ADAMTSL1: variants seen among roughly 807,000 people sequenced by gnomAD.
The protein encoded by ADAMTSL1 is ADAMTS-like protein 1.
A neutral mutation model predicts 201.8 loss-of-function variants in ADAMTSL1; 126 were observed. The observed-to-expected ratio is 0.62, with a 90% confidence interval of 0.54 to 0.72. The LOEUF (loss-of-function observed/expected upper bound fraction) is 0.72. ADAMTSL1 is among the 30% of genes least tolerant of loss of function. ADAMTSL1 has a pLI of 0.00. For missense variants in ADAMTSL1, 2,679 were observed against 2,277.8 expected (o/e 1.18, Z -3.59); for synonymous variants, 1,121 against 903.4 (o/e 1.24, Z -4.32).
At chr9:18,245,436 A>G (rs979164059) in intron 2 of ADAMTSL1, among the ~76,000 whole-genome samples, 15 of 152,050 alleles carry the variant, frequency 9.9e-5, no homozygotes, top group African/African-American at 3.4e-4. Flanking sequence ...CTCCATAGCT[A>G]CTCGGGGTTT....
chr9:18,007,846 T>C, intron 1 of ADAMTSL1, among the ~76,000 whole-genome samples: 1 of 152,038 alleles, frequency 6.6e-6, no homozygotes, highest in African/African-American at 2.4e-5. Context: ...ACTTCTTTCA[T>C]TAAATTCAGT....
intron 23 of ADAMTSL1, among the ~76,000 whole-genome samples, chr9:18,857,288 A>G (rs1826919763): frequency 6.6e-6 from 1 of 152,204 alleles, no homozygotes; most frequent in African/African-American, 2.4e-5. Context: ...AGTTATCCCA[A>G]TAATGTCTTT....
intron 1 of ADAMTSL1, among the ~76,000 whole-genome samples, chr9:18,146,359 A>T (rs1017526337): frequency 1.3e-5 from 2 of 152,198 alleles, no homozygotes; most frequent in African/African-American, 4.8e-5. Flanking sequence ...ATATCCTTCA[A>T]TAGGTGAATG....
chr9:17,950,777 G>A (rs1290533793), intron 1 of ADAMTSL1, among the ~76,000 whole-genome samples: 6 of 152,032 alleles, frequency 3.9e-5, no homozygotes, highest in Non-Finnish European at 7.4e-5. Context: ...TGGGTAACTG[G>A]GGAGAATTTA....
chr9:18,049,408 C>T (rs925342424), intron 1 of ADAMTSL1, among the ~76,000 whole-genome samples: 1 of 152,116 alleles, frequency 6.6e-6, no homozygotes, highest in Admixed American at 6.5e-5. Context: ...GGAAAGGTTT[C>T]CTGGCTTTTA....
chr9:18,409,383 C>CAAAAAAAAAAAAAAAA (rs781106126), intron 2 of ADAMTSL1, among the ~76,000 whole-genome samples: 5 of 77,222 alleles, frequency 6.5e-5, no homozygotes, highest in Admixed American at 1.5e-4. Flanking sequence ...AACTCCGTCT[C>CAAAAAAAAAAAAAAAA]AAAAAAAAAA....
chr9:18,649,759 AGAG>A (rs1314945203), intron 7 of ADAMTSL1, among the ~76,000 whole-genome samples: 1 of 151,990 alleles, frequency 6.6e-6, no homozygotes, highest in Non-Finnish European at 1.5e-5. Flanking sequence ...GTTTTGTCTC[AGAG>A]GAGTACCCCG....
chr9:18,219,825 G>A (rs945508104), intron 2 of ADAMTSL1, among the ~76,000 whole-genome samples: 1 of 151,944 alleles, frequency 6.6e-6, no homozygotes, highest in Non-Finnish European at 1.5e-5. Flanking sequence ...GCTGATGATA[G>A]GGATACAACT....
chr9:18,746,335 G>T (rs781445684), intron 15 of ADAMTSL1, among the ~76,000 whole-genome samples: 9 of 152,264 alleles, frequency 5.9e-5, no homozygotes, highest in Admixed American at 2.6e-4. Context: ...AGGCTTTCTA[G>T]AGTTGGCACA....
At chr9:18,770,207 C>T (rs995302804) in intron 16 of ADAMTSL1, among the ~76,000 whole-genome samples, 1 of 152,188 alleles carries the variant, frequency 6.6e-6, no homozygotes, top group Non-Finnish European at 1.5e-5. Flanking sequence ...ATACTGATGG[C>T]GGGAGCTCTC....
At chr9:18,270,590 T>C (rs1405310621) in intron 2 of ADAMTSL1, among the ~76,000 whole-genome samples, 1 of 152,218 alleles carries the variant, frequency 6.6e-6, no homozygotes, top group Non-Finnish European at 1.5e-5. Context: ...ATTTTTATAA[T>C]AATCCAGTCA....
At chr9:18,078,198 T>C (rs1486213020) in intron 1 of ADAMTSL1, among the ~76,000 whole-genome samples, 2 of 152,170 alleles carry the variant, frequency 1.3e-5, no homozygotes, top group Non-Finnish European at 2.9e-5. Flanking sequence ...CAAGCATGAC[T>C]CATGAGATAG....
At chr9:18,254,140 C>T (rs1249681988) in intron 2 of ADAMTSL1, among the ~76,000 whole-genome samples, 1 of 152,038 alleles carries the variant, frequency 6.6e-6, no homozygotes, top group East Asian at 1.9e-4. Context: ...GTCTTAGACT[C>T]AATTTCCTCC....
intron 2 of ADAMTSL1, among the ~76,000 whole-genome samples, chr9:18,350,940 A>G (rs73430953): frequency 0.026 from 4,001 of 152,290 alleles, 168 homozygotes; most frequent in African/African-American, 0.089. Context: ...GATTTGGCAA[A>G]GCATCATATA....
At chr9:18,242,066 A>T (rs1831087187) in intron 2 of ADAMTSL1, among the ~76,000 whole-genome samples, 1 of 152,136 alleles carries the variant, frequency 6.6e-6, no homozygotes, top group African/African-American at 2.4e-5. Flanking sequence ...AAGAAAAGAA[A>T]ACTATAAGCC....
chr9:18,239,088 G>T (rs1830959072), intron 2 of ADAMTSL1, among the ~76,000 whole-genome samples: 1 of 152,214 alleles, frequency 6.6e-6, no homozygotes, highest in Non-Finnish European at 1.5e-5. Context: ...AAATGCTAAT[G>T]ATTATCTGAG....
intron 2 of ADAMTSL1, among the ~76,000 whole-genome samples, chr9:18,357,848 T>C (rs1836322513): frequency 6.6e-6 from 1 of 152,178 alleles, no homozygotes; most frequent in Admixed American, 6.5e-5. Flanking sequence ...AGAATGATAC[T>C]GCTATCGTTT....
chr9:18,353,134 G>T (rs1042743457), intron 2 of ADAMTSL1, among the ~76,000 whole-genome samples: 3 of 152,188 alleles, frequency 2.0e-5, no homozygotes, highest in Non-Finnish European at 4.4e-5. Context: ...AGGCTTGCTT[G>T]TATCAGGGCA....
intron 2 of ADAMTSL1, among the ~76,000 whole-genome samples, chr9:18,525,709 G>C (rs906616940): frequency 6.6e-6 from 1 of 152,186 alleles, no homozygotes; most frequent in African/African-American, 2.4e-5. Context: ...GTACCCAGTA[G>C]TCATTCAGGA....
Sources: gnomAD v4.1 joint callset for allele counts (sites outside exome capture counted in the v4.1 genomes callset) on GRCh38, gnomAD v4.1.1 for gene constraint, MANE v1.5 for transcripts, NCBI Gene and HGNC (gene_info 2026-07-23, HGNC 2026-07-21) for gene names.